RPH3AL: variants seen among roughly 807,000 people sequenced by gnomAD.
The protein encoded by RPH3AL is rab effector Noc2.
Under a neutral mutation model 43.1 loss-of-function variants are expected in RPH3AL, and 38 were observed. The observed-to-expected ratio is 0.88, with a 90% CI of 0.68 to 1.15. The LOEUF (loss-of-function observed/expected upper bound fraction) is 1.15. RPH3AL is among the 50% of genes most tolerant of loss of function. The probability of loss-of-function intolerance (pLI) is 0.00; values close to 1 mark genes in which losing one functional copy is unlikely to be tolerated. For missense variants in RPH3AL, 462 were observed against 423.2 expected, an observed-to-expected ratio of 1.09 and a Z score of -0.81; for synonymous variants, 189 against 176.3, an observed-to-expected ratio of 1.07 and a Z score of -0.57.
intron 4 of RPH3AL, among the ~76,000 whole-genome samples, chr17:320,864 T>C (rs1334434582): frequency 6.6e-6 from 1 of 152,228 alleles, no homozygotes; most frequent in Admixed American, 6.5e-5. Flanking sequence ...GAGAGGCACG[T>C]AGAGCCAGGC....
At chr17:258,439 T>G (rs2042117386) in intron 6 of RPH3AL, among the ~76,000 whole-genome samples, 3 of 152,206 alleles carry the variant, frequency 2.0e-5, no homozygotes, top group Admixed American at 6.5e-5. Context: ...TCAAACGGAC[T>G]TCCTATTTCA....
At position 287,085 on chromosome 17, in the gene RPH3AL, G is replaced by A. The variant is rs1328364877; in HGVS notation, c.352-5231C>T. ...TCAGACCTCACTCCCTCTCTCCACC[G>A]TCAGACCTCGCACCCTCTCTCCACC... On this transcript the variant is annotated intron_variant, in intron 5 of 9. Transcript: ENST00000331302. 8.2e-4 allele frequency among the ~76,000 whole-genome samples: 5 copies of A among 6,098 alleles called. 2 individuals carry two copies. The highest frequency in any genetic ancestry group is 2.9e-3 in the Non-Finnish European group (4 of 1,386). The allele number at this position is 6,098 out of a possible 152,430, so 4.0% of individuals were successfully genotyped here.
chr17:344,753 A>G (rs1471880740), intron 1 of RPH3AL, among the ~76,000 whole-genome samples: 1 of 135,514 alleles, frequency 7.4e-6, no homozygotes, highest in Non-Finnish European at 1.7e-5. Context: ...CACCATCATC[A>G]CTATCATCAC....
intron 2 of RPH3AL, among the ~76,000 whole-genome samples, chr17:329,860 A>G (rs1292820020): frequency 2.0e-5 from 3 of 152,210 alleles, no homozygotes; most frequent in African/African-American, 4.8e-5. Context: ...TTTACTTTCC[A>G]GAAATTGTAA....
At chr17:314,498 ACTCCACGTCCATTGACC>A (rs2043799786) in intron 5 of RPH3AL, among the ~76,000 whole-genome samples, 6 of 88,378 alleles carry the variant, frequency 6.8e-5, no homozygotes, top group Admixed American at 2.5e-4. Flanking sequence ...TAGTCCCTAT[ACTCCACGTCCATTGACC>A]TGTAGTCCCT....
intron 5 of RPH3AL, among the ~76,000 whole-genome samples, 198 bp from the exon 6 acceptor site, chr17:282,052 A>G (rs1297362573): frequency 6.6e-6 from 1 of 152,178 alleles, no homozygotes; most frequent in Non-Finnish European, 1.5e-5. Context: ...GGATGGCCCC[A>G]TCCACGGAAC....
intron 6 of RPH3AL, among the ~76,000 whole-genome samples, chr17:253,121 G>A (rs2041951622): frequency 6.6e-6 from 1 of 152,208 alleles, no homozygotes; most frequent in African/African-American, 2.4e-5. Context: ...GGGAACCACG[G>A]TGGGCTTGGG....
Position 342,472 on chromosome 17 carries a change from G to A in RPH3AL, c.-212-8538C>T, listed in dbSNP as rs4985573. ...AACAACTCAAATGTCCATCAACTGG[G>A]AAAAGGACAAACAAAATATGGTGTA... On this transcript the variant is annotated intron_variant, in intron 1 of 9. Coordinates refer to ENST00000331302, the MANE Select transcript of RPH3AL (RefSeq NM_006987.4). Among the ~76,000 whole-genome samples, 830 of 152,264 alleles carry A rather than the reference G, an allele frequency of 5.5e-3. 26 individuals carry two copies. Among genetic ancestry groups the A allele is most frequent in the Admixed American group, 0.046 (702 of 15,288 alleles).
intron 7 of RPH3AL, among the ~76,000 whole-genome samples, chr17:231,437 T>TC (rs2041228754): frequency 6.6e-6 from 1 of 152,108 alleles, no homozygotes; most frequent in East Asian, 1.9e-4. Flanking sequence ...CAGCGGGAAA[T>TC]CAGCTGAGCC....
At chr17:308,228 C>T (rs575805624) in intron 5 of RPH3AL, among the ~76,000 whole-genome samples, 24 of 152,284 alleles carry the variant, frequency 1.6e-4, no homozygotes, top group Admixed American at 1.1e-3. Flanking sequence ...CAGCAATGGA[C>T]GGGCACTGAG....
At chr17:248,989 C>G (rs955933702) in intron 6 of RPH3AL, among the ~76,000 whole-genome samples, 1 of 152,156 alleles carries the variant, frequency 6.6e-6, no homozygotes, top group African/African-American at 2.4e-5. Flanking sequence ...GGAAGCTCTT[C>G]TCTGAGGACT....
At chr17:299,904 G>A (rs189731238) in intron 5 of RPH3AL, among the ~76,000 whole-genome samples, 2 of 152,224 alleles carry the variant, frequency 1.3e-5, no homozygotes, top group Admixed American at 6.5e-5. Flanking sequence ...CAGGTGTCCC[G>A]GGGGAGAAGG....
intron 5 of RPH3AL, among the ~76,000 whole-genome samples, chr17:300,918 T>A (rs2043313736): frequency 6.6e-6 from 1 of 151,850 alleles, no homozygotes; most frequent in Non-Finnish European, 1.5e-5. Context: ...TCACCCACTC[T>A]AGCAGGGGCT....
At chr17:310,819 G>A (rs971228554) in intron 5 of RPH3AL, among the ~76,000 whole-genome samples, 39 of 151,868 alleles carry the variant, frequency 2.6e-4, no homozygotes, top group African/African-American at 7.0e-4. Flanking sequence ...TCCCAGACAC[G>A]AGAGAGCCCT....
At chr17:272,610 T>TG (rs907038707) in intron 6 of RPH3AL, among the ~76,000 whole-genome samples, 1 of 55,426 alleles carries the variant, frequency 1.8e-5, no homozygotes. Context: ...TGTTGTGGGG[T>TG]GGGGGGAGGG....
At chr17:278,836 G>C (rs527372281) in intron 6 of RPH3AL, among the ~76,000 whole-genome samples, 2 of 152,254 alleles carry the variant, frequency 1.3e-5, no homozygotes, top group Admixed American at 6.5e-5. Context: ...AAAGCAGATG[G>C]GCTGAGGCTC....
At chr17:312,434 T>C (rs2043668468) in intron 5 of RPH3AL, among the ~76,000 whole-genome samples, 1 of 152,188 alleles carries the variant, frequency 6.6e-6, no homozygotes, top group Non-Finnish European at 1.5e-5. Context: ...AGCACCTTGA[T>C]CTCAGAATTT....
chr17:268,968 T>TC (rs1330395044), intron 6 of RPH3AL, among the ~76,000 whole-genome samples: 1 of 152,222 alleles, frequency 6.6e-6, no homozygotes, highest in East Asian at 1.9e-4. Context: ...AAGCTCTGCC[T>TC]CCCGGGTTCA....
intron 1 of RPH3AL, among the ~76,000 whole-genome samples, chr17:343,556 A>G (rs1440526082): frequency 6.6e-6 from 1 of 152,224 alleles, no homozygotes; most frequent in Non-Finnish European, 1.5e-5. Context: ...GACCTTGGGC[A>G]ACTTCCTTCA....
Sources: allele counts gnomAD v4.1 joint callset (sites outside exome capture counted in the v4.1 genomes callset), GRCh38; gene constraint gnomAD v4.1.1; transcripts MANE v1.5; gene names NCBI Gene and HGNC (gene_info 2026-07-23, HGNC 2026-07-21).